PDE9A: variants seen among roughly 807,000 people sequenced by gnomAD.
PDE9A encodes high affinity cGMP-specific 3',5'-cyclic phosphodiesterase 9A.
PDE9A carries 60 observed loss-of-function variants against 87.4 expected under a neutral mutation model. The observed-to-expected ratio is 0.69, with a 90% CI of 0.56 to 0.85. PDE9A has a LOEUF of 0.85. PDE9A is among the 40% of genes least tolerant of loss of function. The pLI is 0.00. For missense variants in PDE9A, 665 were observed against 779.0 expected (o/e 0.85, Z 1.74); for synonymous variants, 272 against 279.4 (o/e 0.97, Z 0.27).
intron 4 of PDE9A, among the ~76,000 whole-genome samples, chr21:42,708,292 C>T (rs1166828512): frequency 1.3e-5 from 2 of 152,182 alleles, no homozygotes; most frequent in Admixed American, 1.3e-4. Context: ...CTTAGCGTGC[C>T]ACTGTCAGAG....
intron 1 of PDE9A, among the ~76,000 whole-genome samples, chr21:42,670,240 C>CACGT (rs796446421): frequency 1.0e-5 from 1 of 97,692 alleles, no homozygotes; most frequent in Non-Finnish European, 2.4e-5. Flanking sequence ...TACATTCACA[C>CACGT]TCATACACAT....
rs1246508134 is a variant in PDE9A, at chr21:42,735,622, T to G, written c.568+2196T>G. 2.6e-5 allele frequency among the ~76,000 whole-genome samples: 4 copies of G among 152,330 alleles called. No homozygotes were observed. In the East Asian group the frequency reaches 7.7e-4, roughly 29 times the overall value. On this transcript the variant is annotated intron_variant, in intron 7 of 19. Coordinates refer to ENST00000291539, the MANE Select transcript of PDE9A (RefSeq NM_002606.3). Reference sequence around the variant, plus strand: ...CATTGCTATAATCTCTGCCTGTGTCTACACGTGATGACATTCTCCCAGGAT... The same window carrying G: ...CATTGCTATAATCTCTGCCTGTGTCGACACGTGATGACATTCTCCCAGGAT...
intron 1 of PDE9A, among the ~76,000 whole-genome samples, chr21:42,674,180 C>T (rs950189078): frequency 6.6e-6 from 1 of 152,192 alleles, no homozygotes; most frequent in Non-Finnish European, 1.5e-5. Context: ...AGGACCCCTG[C>T]CCAGGCTCAC....
At chr21:42,670,646 ATCAT>A (rs978118296) in intron 1 of PDE9A, among the ~76,000 whole-genome samples, 4 of 149,832 alleles carry the variant, frequency 2.7e-5, no homozygotes, top group Non-Finnish European at 4.4e-5. Context: ...CTTACAAACT[ATCAT>A]TCACACACAT....
In PDE9A at chr21:42,723,423, G is replaced by A. The variant is rs2050728905; in HGVS notation, c.263-8347G>A. 1.3e-5 allele frequency among the ~76,000 whole-genome samples: 2 copies of A among 152,248 alleles called. No individual in the cohort carries two copies. The highest frequency in any genetic ancestry group is 4.8e-5 in the African/African-American group (2 of 41,478). ...GGTGAGCACACTTCATTGAGTCCAG[G>A]TGTGTGCAGATGAGAAGCAGCCAGG... On this transcript the variant is annotated intron_variant, in intron 4 of 19. Coordinates refer to ENST00000291539, the MANE Select transcript of PDE9A (RefSeq NM_002606.3). The surrounding 1 kb of genome is among the most constrained non-coding windows in gnomAD (Gnocchi z 4.3).
At chr21:42,750,617 C>T (rs11700465) in intron 8 of PDE9A, among the ~76,000 whole-genome samples, 97,901 of 151,348 alleles carry the variant, frequency 0.65, 32,177 homozygotes, top group East Asian at 0.86. Flanking sequence ...CCCAGACTGG[C>T]CAGGCTGGCG....
intron 1 of PDE9A, among the ~76,000 whole-genome samples, chr21:42,664,046 C>T (rs527980940): frequency 2.2e-4 from 33 of 152,324 alleles, no homozygotes; most frequent in Non-Finnish European, 1.6e-4. Flanking sequence ...GAGGACGGCC[C>T]GGGGCCGAGT....
intron 1 of PDE9A, among the ~76,000 whole-genome samples, chr21:42,685,421 C>T (rs1452992259): frequency 1.3e-5 from 2 of 151,616 alleles, no homozygotes; most frequent in East Asian, 3.9e-4. Context: ...TCTTCGACTT[C>T]GTCATTCAGC....
In PDE9A at chr21:42,698,170, C is replaced by T. The variant is rs7283622; in HGVS notation, c.219-798C>T. 8.8e-3 allele frequency among the ~76,000 whole-genome samples: 1,337 copies of T among 152,304 alleles called. 11 individuals carry two copies. Among genetic ancestry groups the T allele is most frequent in the African/African-American group, 0.031 (1,278 of 41,548 alleles). The stretch of plus-strand genomic sequence containing the variant: ...TTAACTGGTGTTTCTACACTGCTTT[C>T]CCCAAGATGTGGCAACCCACACCCC... On this transcript the variant is annotated intron_variant, in intron 3 of 19. Coordinates refer to ENST00000291539, the MANE Select transcript of PDE9A (RefSeq NM_002606.3).
At position 42,751,177 on chromosome 21, in the gene PDE9A, G is replaced by A. The variant is rs147667334; in HGVS notation, c.715G>A (p.Asp239Asn). The change falls in exon 9 of 20, where the codon GAT (aspartate) becomes AAT (asparagine). Residue 239 changes from aspartate to asparagine, a missense_variant. Physicochemically the swap from Asp to Asn is conservative, Grantham distance 23 (BLOSUM62 1). Coordinates refer to ENST00000291539, the MANE Select transcript of PDE9A (RefSeq NM_002606.3). ...DNHKKLTPRR[D>N]VPTYPKYLLS... is the part of the protein sequence containing the mutation. ...CCACAAGAAGTTGACTCCTCGACGC[G>A]ATGTTCCCACTTACCCCAAGGTAAG... The A allele has an allele frequency of 5.5e-5, 89 of 1,611,990 alleles. No individual in the cohort carries two copies. In the Middle Eastern group the frequency reaches 8.2e-4, roughly 15 times the overall value.
intron 8 of PDE9A, among the ~76,000 whole-genome samples, chr21:42,746,820 G>A (rs1376548364): frequency 2.0e-5 from 3 of 152,182 alleles, no homozygotes; most frequent in African/African-American, 4.8e-5. Context: ...GAGTAACGGA[G>A]GCGCATCCGC....
chr21:42,732,232 G>A, intron 6 of PDE9A, 108 bp downstream of exon 6: 1 of 1,067,398 alleles, frequency 9.4e-7, no homozygotes, highest in Non-Finnish European at 1.4e-6. Flanking sequence ...AAGCGTGGCT[G>A]TCTCACCTGC....
chr21:42,720,992 C>T (rs908602206), intron 4 of PDE9A, among the ~76,000 whole-genome samples: 1 of 151,094 alleles, frequency 6.6e-6, no homozygotes, highest in Non-Finnish European at 1.5e-5. Flanking sequence ...GTAACAAGAG[C>T]GAAACTCCGT....
At chr21:42,683,998 G>A (rs1200560496) in intron 1 of PDE9A, among the ~76,000 whole-genome samples, 1 of 152,316 alleles carries the variant, frequency 6.6e-6, no homozygotes, top group East Asian at 1.9e-4. Context: ...CCTTCTGCAG[G>A]ACCACCCCGC....
chr21:42,719,461 C>T (rs1406560469), intron 4 of PDE9A, among the ~76,000 whole-genome samples: 1 of 151,232 alleles, frequency 6.6e-6, no homozygotes, highest in Non-Finnish European at 1.5e-5. Flanking sequence ...ATGGTGAAAT[C>T]CTGTCTCTTC....
chr21:42,756,270 C>T (rs2055030770), intron 10 of PDE9A, among the ~76,000 whole-genome samples: 1 of 152,216 alleles, frequency 6.6e-6, no homozygotes, highest in Non-Finnish European at 1.5e-5. Flanking sequence ...TCTGGCAGAT[C>T]TAGGGATGCC....
intron 6 of PDE9A, among the ~76,000 whole-genome samples, chr21:42,732,803 A>G (rs1479767227): frequency 6.6e-6 from 1 of 152,112 alleles, no homozygotes; most frequent in Non-Finnish European, 1.5e-5. Context: ...AATCCCAGCT[A>G]CCCGGGAGGC....
chr21:42,768,135 GCA>G, intron 15 of PDE9A, 51 bp from the exon 16 acceptor site: 36 of 996,752 alleles, frequency 3.6e-5, no homozygotes, highest in Non-Finnish European at 4.5e-5. Context: ...AGCAGCAGCA[GCA>G]GGCCCGTGTT....
intron 1 of PDE9A, among the ~76,000 whole-genome samples, chr21:42,664,599 G>GAA: frequency 6.7e-6 from 1 of 149,708 alleles, no homozygotes; most frequent in East Asian, 2.0e-4. Flanking sequence ...TTTCTGGCAG[G>GAA]AAATTTGTGC....
Sources: gnomAD v4.1 joint callset for allele counts (sites outside exome capture counted in the v4.1 genomes callset) on GRCh38, gnomAD v4.1.1 for gene constraint, Gnocchi (gnomAD v3.1) non-coding constraint, MANE v1.5 for transcripts, NCBI Gene and HGNC (gene_info 2026-07-23, HGNC 2026-07-21) for gene names.